CACNA1A: variants seen among roughly 807,000 people sequenced by gnomAD.
CACNA1A encodes the protein voltage-dependent P/Q-type calcium channel subunit alpha-1A.
Under a neutral mutation model 262.4 loss-of-function variants are expected in CACNA1A, and 57 were observed. That is an observed-to-expected ratio of 0.22 (90% CI 0.18 to 0.27). The LOEUF (loss-of-function observed/expected upper bound fraction) is 0.27, where lower values mean the gene tolerates loss of function less well. CACNA1A is among the 10% of genes least tolerant of loss of function. The probability of loss-of-function intolerance (pLI) is 1.00; values close to 1 mark genes in which losing one functional copy is unlikely to be tolerated. For missense variants in CACNA1A, 2,526 were observed against 3,562.8 expected (o/e 0.71, Z 7.41); for synonymous variants, 1,431 against 1,419.3 (o/e 1.01, Z -0.18).
At chr19:13,268,686 G>A (rs1241061691) in intron 24 of CACNA1A, among the ~76,000 whole-genome samples, 1 of 151,910 alleles carries the variant, frequency 6.6e-6, no homozygotes, top group Non-Finnish European at 1.5e-5. Flanking sequence ...CGCCCACCTT[G>A]GCCTCCCAAA....
chr19:13,294,031 A>G (rs1257389807), intron 19 of CACNA1A, among the ~76,000 whole-genome samples: 2 of 152,106 alleles, frequency 1.3e-5, no homozygotes, highest in African/African-American at 2.4e-5. Flanking sequence ...GCCTCCTTCA[A>G]TAACAGTAGA....
chr19:13,336,294 C>T (rs1228076535), intron 6 of CACNA1A, among the ~76,000 whole-genome samples: 1 of 152,088 alleles, frequency 6.6e-6, no homozygotes, highest in Non-Finnish European at 1.5e-5. Context: ...CATAGACTCC[C>T]CTTAGAGGAG....
At chr19:13,454,383 C>T (rs531837126) in intron 2 of CACNA1A, among the ~76,000 whole-genome samples, 1 of 151,806 alleles carries the variant, frequency 6.6e-6, no homozygotes, top group East Asian at 2.0e-4. Flanking sequence ...CGCCTCCCCC[C>T]CACCAAGATG....
chr19:13,317,414 G>C (rs1433315536), intron 10 of CACNA1A, 93 bp from the exon 11 acceptor site: 2 of 1,035,352 alleles, frequency 1.9e-6, no homozygotes, highest in Non-Finnish European at 2.9e-6. Context: ...TTAGCCAGGG[G>C]ATCCATTAGT....
At chr19:13,325,767 T>C (rs2058349853) in intron 10 of CACNA1A, among the ~76,000 whole-genome samples, 1 of 152,194 alleles carries the variant, frequency 6.6e-6, no homozygotes, top group South Asian at 2.1e-4. Context: ...ATTCATTTAT[T>C]TTAAATTGAC....
chr19:13,285,629 G>C (rs1206253645), intron 20 of CACNA1A, among the ~76,000 whole-genome samples: 2 of 152,126 alleles, frequency 1.3e-5, no homozygotes, highest in Non-Finnish European at 2.9e-5. Flanking sequence ...AGAGTGCCAA[G>C]AGACCCACTG....
chr19:13,303,983 A>G, intron 15 of CACNA1A, 99 bp from the exon 16 acceptor site: 1 of 786,178 alleles, frequency 1.3e-6, no homozygotes, highest in Non-Finnish European at 2.2e-6. Flanking sequence ...CCCATCCCCG[A>G]GCCCAGGAGG....
intron 11 of CACNA1A, chr19:13,316,765 G>A (rs2058135375): frequency 5.2e-6 from 1 of 191,794 alleles, no homozygotes; most frequent in Admixed American, 5.8e-5. Context: ...ATTAATACAT[G>A]TATGTTTCTG....
intron 3 of CACNA1A, among the ~76,000 whole-genome samples, chr19:13,436,909 C>T (rs1225071428): frequency 6.6e-6 from 1 of 152,244 alleles, no homozygotes; most frequent in African/African-American, 2.4e-5. Flanking sequence ...CTCTTCAAGG[C>T]CCCTGGACTG....
intron 43 of CACNA1A, chr19:13,211,901 T>C: frequency 1.8e-6 from 1 of 563,120 alleles, no homozygotes; most frequent in Non-Finnish European, 3.2e-6. Flanking sequence ...CTCTGTCCTC[T>C]GTGAGGGAGG....
rs1408510243 is a variant in CACNA1A at position 13,298,840 on chromosome 19, C to A, written c.2793G>T (p.Arg931Ser). The A allele has an allele frequency of 1.3e-6, 2 of 1,582,334 alleles. No homozygotes were observed. Among genetic ancestry groups the A allele is most frequent in the Admixed American group, 1.7e-5 (1 of 58,610 alleles). ...TGCTGCCCCCCTGCCGGTGCACGTG[C>A]CTCCGGTGGGGGTCCCCGGCCTTGC... is the stretch of plus-strand genomic sequence containing the variant. ...ERGKAGDPHRRHVHRQGGSRE... is the reference protein window; with the variant it reads ...ERGKAGDPHRSHVHRQGGSRE... Residue 931 changes from arginine (R) to serine (S), a missense_variant, in exon 19 of 47, where the codon AGG (arginine) becomes AGT (serine). By Grantham distance (110) the Arg-to-Ser change is moderately radical. This residue lies in a region of CACNA1A where 765 missense variants were observed against 748.6 expected (regional missense o/e 1.02). Transcript: ENST00000360228.
At chr19:13,416,446 C>A (rs1044010583) in intron 3 of CACNA1A, among the ~76,000 whole-genome samples, 3 of 152,098 alleles carry the variant, frequency 2.0e-5, no homozygotes, top group African/African-American at 7.2e-5. Flanking sequence ...CTTCGGGAGG[C>A]CGAGGCGGTG....
At chr19:13,229,815 G>A (rs1394219133) in intron 36 of CACNA1A, 2 of 348,652 alleles carry the variant, frequency 5.7e-6, no homozygotes, top group African/African-American at 4.1e-5. Flanking sequence ...CTCGTAGGAG[G>A]AGAGGGCTCT....
chr19:13,267,337 C>A (rs766192162), intron 24 of CACNA1A, among the ~76,000 whole-genome samples: 2 of 152,172 alleles, frequency 1.3e-5, no homozygotes, highest in Non-Finnish European at 2.9e-5. Flanking sequence ...AGGCTCATGG[C>A]GCTGGCCGAT....
At chr19:13,458,741 C>T (rs566436765) in intron 1 of CACNA1A, among the ~76,000 whole-genome samples, 1 of 152,282 alleles carries the variant, frequency 6.6e-6, no homozygotes, top group South Asian at 2.1e-4. Flanking sequence ...TTGTTCATTT[C>T]ATATTAGCTC....
At chr19:13,475,324 G>A (rs562765753) in intron 1 of CACNA1A, among the ~76,000 whole-genome samples, 4 of 152,286 alleles carry the variant, frequency 2.6e-5, no homozygotes, top group Non-Finnish European at 4.4e-5. Flanking sequence ...GAAGTGGGAT[G>A]GGGACTGATC....
intron 6 of CACNA1A, among the ~76,000 whole-genome samples, chr19:13,340,066 C>T (rs937118242): frequency 6.6e-6 from 1 of 152,122 alleles, no homozygotes; most frequent in Non-Finnish European, 1.5e-5. Context: ...GAACGAAACT[C>T]TGCACCGGCC....
chr19:13,319,427 T>A (rs2058201409), intron 10 of CACNA1A, among the ~76,000 whole-genome samples: 1 of 152,192 alleles, frequency 6.6e-6, no homozygotes, highest in Admixed American at 6.5e-5. Flanking sequence ...CATCCATTCA[T>A]CCATCCATTC....
chr19:13,320,990 C>T (rs118133866), intron 10 of CACNA1A, among the ~76,000 whole-genome samples: 2,480 of 150,552 alleles, frequency 0.016, 31 homozygotes, highest in East Asian at 0.036. Flanking sequence ...GATCAAGAGC[C>T]GGTGTAACTG....
Sources: allele counts gnomAD v4.1 joint callset (sites outside exome capture counted in the v4.1 genomes callset), GRCh38; gene constraint gnomAD v4.1.1; regional missense constraint gnomAD v4.1.1; transcripts MANE v1.5; gene names NCBI Gene and HGNC (gene_info 2026-07-23, HGNC 2026-07-21).